Variants in FBXO11 observed in about 807,000 individuals in gnomAD.
FBXO11 encodes F-box only protein 11.
A neutral mutation model predicts 117.0 loss-of-function variants in FBXO11; 13 were observed. The observed-to-expected ratio is 0.11, with a 90% CI of 0.07 to 0.18. The LOEUF (loss-of-function observed/expected upper bound fraction) is 0.18. Ranked by LOEUF, FBXO11 falls within the 10% of genes least tolerant of loss-of-function variation. The probability of loss-of-function intolerance (pLI) is 1.00; values close to 1 mark genes in which losing one functional copy is unlikely to be tolerated. For missense variants in FBXO11, 767 were observed against 1,164.4 expected, an observed-to-expected ratio of 0.66 and a Z score of 4.97; for synonymous variants, 490 against 380.5, an observed-to-expected ratio of 1.29 and a Z score of -3.35.
intron 1 of FBXO11, among the ~76,000 whole-genome samples, chr2:47,841,164 C>T (rs569914183): frequency 1.3e-5 from 2 of 152,146 alleles, no homozygotes; most frequent in African/African-American, 2.4e-5. Flanking sequence ...TGCCACTGCA[C>T]TCCAGCCTGG....
At chr2:47,881,244 T>C (rs765157810) in intron 1 of FBXO11, among the ~76,000 whole-genome samples, 5 of 152,134 alleles carry the variant, frequency 3.3e-5, no homozygotes, top group Non-Finnish European at 7.4e-5. Flanking sequence ...ACAACGAGAC[T>C]CTGTCTCAAA....
intron 1 of FBXO11, among the ~76,000 whole-genome samples, chr2:47,894,930 C>A (rs941095670): frequency 3.3e-5 from 5 of 152,030 alleles, no homozygotes; most frequent in African/African-American, 9.7e-5. Context: ...AGCCTCAAGA[C>A]TGAACTGTTA....
chr2:47,825,105 A>G (rs1013805474), intron 11 of FBXO11, among the ~76,000 whole-genome samples: 1 of 152,144 alleles, frequency 6.6e-6, no homozygotes, highest in Non-Finnish European at 1.5e-5. Context: ...TTTTTGCCAA[A>G]TTTAGTAGAG....
intron 11 of FBXO11, among the ~76,000 whole-genome samples, chr2:47,831,074 C>G (rs965200860): frequency 1.3e-5 from 2 of 151,222 alleles, no homozygotes; most frequent in African/African-American, 4.9e-5. Flanking sequence ...GCTGGGATTA[C>G]AGGTGTGAGC....
In FBXO11 at chr2:47,808,897, A is replaced by G. The variant is rs549032236; in HGVS notation, c.2555+261T>C. 3.9e-5 allele frequency: 13 copies of G among 336,618 alleles called. No individual in the cohort carries two copies. In the South Asian group the frequency reaches 4.2e-4, roughly 11 times the overall value. The allele number at this position is 336,618 out of a possible 1,614,324, so 20.9% of individuals were successfully genotyped here. ...TGTTTTGTAGAGACAGGGTCTCCCT[A>G]TGTTGCCCAGGCTGGTTTAGAACTC... On this transcript the variant is annotated intron_variant, in intron 21 of 22. Transcript: ENST00000403359.
intron 12 of FBXO11, 38 bp downstream of exon 12, chr2:47,823,105 T>TG (rs1245434707): frequency 2.7e-6 from 4 of 1,479,336 alleles, no homozygotes; most frequent in Non-Finnish European, 1.8e-6. Flanking sequence ...AACCTTGAAG[T>TG]GAAAAAGTAA....
chr2:47,890,730 G>A (rs1360740743), intron 1 of FBXO11, among the ~76,000 whole-genome samples: 1 of 152,054 alleles, frequency 6.6e-6, no homozygotes, highest in African/African-American at 2.4e-5. Context: ...CTTGAACTCG[G>A]GAGGCAGAGG....
intron 19 of FBXO11, 45 bp downstream of exon 19, chr2:47,810,271 T>G (rs1199919676): frequency 7.8e-7 from 1 of 1,283,818 alleles, no homozygotes; most frequent in African/African-American, 1.5e-5. Flanking sequence ...TCAAACACTT[T>G]GCAGAACTAT....
chr2:47,844,354 T>TA (rs1173108749), intron 1 of FBXO11, among the ~76,000 whole-genome samples: 1 of 152,202 alleles, frequency 6.6e-6, no homozygotes, highest in Non-Finnish European at 1.5e-5. Flanking sequence ...TCTCTATGCG[T>TA]AATTAGGGAA....
chr2:47,817,117 A>C (rs1038605618), intron 16 of FBXO11, among the ~76,000 whole-genome samples: 2 of 152,236 alleles, frequency 1.3e-5, no homozygotes, highest in Admixed American at 1.3e-4. Context: ...GATCTTAGCT[A>C]TATCTTCTGG....
intron 1 of FBXO11, among the ~76,000 whole-genome samples, chr2:47,864,977 T>C (rs1430613170): frequency 6.6e-6 from 1 of 152,224 alleles, no homozygotes; most frequent in Non-Finnish European, 1.5e-5. Context: ...ACAAAACACC[T>C]GGGCGCTTGT....
Position 47,905,956 on chromosome 2 carries a change from G to T in FBXO11, c.-236C>A, listed in dbSNP as rs952013435. On this transcript the variant is annotated 5_prime_UTR_variant, in exon 1 of 23. Coordinates refer to ENST00000403359, the MANE Select transcript of FBXO11 (RefSeq NM_001190274.2). ...CGGCCGGGAGGGCCTGACGCACGGG[G>T]AAGGCCGAAGCCGCCGGGCGGGGCG... 1 of 439,036 alleles carries T rather than the reference G, an allele frequency of 2.3e-6. No individual in the cohort carries two copies. Among genetic ancestry groups the T allele is most frequent in the Non-Finnish European group, 4.0e-6 (1 of 250,982 alleles). The allele number at this position is 439,036 out of a possible 1,614,324, so 27.2% of individuals were successfully genotyped here.
At chr2:47,814,877 CTTCAT>C (rs1415974521) in intron 16 of FBXO11, among the ~76,000 whole-genome samples, 1 of 152,162 alleles carries the variant, frequency 6.6e-6, no homozygotes, top group Non-Finnish European at 1.5e-5. Context: ...AATCCTTTGT[CTTCAT>C]TTCAACTATG....
intron 1 of FBXO11, among the ~76,000 whole-genome samples, chr2:47,885,321 C>T (rs924048734): frequency 1.3e-5 from 2 of 152,118 alleles, no homozygotes; most frequent in African/African-American, 2.4e-5. Flanking sequence ...AAGCCAGGTG[C>T]GGTGGCTCAC....
intron 1 of FBXO11, among the ~76,000 whole-genome samples, chr2:47,885,320 G>A (rs1676739700): frequency 6.6e-6 from 1 of 152,196 alleles, no homozygotes; most frequent in African/African-American, 2.4e-5. Flanking sequence ...TAAGCCAGGT[G>A]CGGTGGCTCA....
intron 1 of FBXO11, among the ~76,000 whole-genome samples, chr2:47,860,396 T>G (rs1674668422): frequency 6.6e-6 from 1 of 151,532 alleles, no homozygotes; most frequent in Non-Finnish European, 1.5e-5. Flanking sequence ...GCCTTAAGAA[T>G]TATTTTACCC....
At chr2:47,808,619 AG>A (rs1405224113) in intron 21 of FBXO11, 192 bp from the exon 22 acceptor site, 1 of 505,842 alleles carries the variant, frequency 2.0e-6, no homozygotes, top group African/African-American at 1.9e-5. Flanking sequence ...GTGTCTTCGG[AG>A]GGAAGAGAAA....
chr2:47,828,094 C>A (rs1671899654), intron 11 of FBXO11, among the ~76,000 whole-genome samples: 1 of 152,138 alleles, frequency 6.6e-6, no homozygotes, highest in Admixed American at 6.5e-5. Context: ...ATCCTCTTGC[C>A]TCAGCCTTCC....
intron 1 of FBXO11, among the ~76,000 whole-genome samples, chr2:47,894,141 T>C (rs1044029061): frequency 1.2e-4 from 19 of 152,208 alleles, no homozygotes; most frequent in South Asian, 4.1e-4. Context: ...ACTAGCACTT[T>C]AGTACAAGCT....
Sources: allele counts gnomAD v4.1 joint callset (sites outside exome capture counted in the v4.1 genomes callset), GRCh38; gene constraint gnomAD v4.1.1; transcripts MANE v1.5; gene names NCBI Gene and HGNC (gene_info 2026-07-23, HGNC 2026-07-21).